Variants in WDR47 observed in about 807,000 individuals in gnomAD.
The protein encoded by WDR47 is WD repeat domain 47.
In WDR47, 32 loss-of-function variants were observed where a neutral mutation model predicts 97.2. The ratio of observed to expected loss-of-function variants is 0.33; its 90% confidence interval spans 0.25 to 0.44. WDR47 has a LOEUF of 0.44. Among genes scored for constraint, WDR47 ranks in the 20% least tolerant of loss-of-function variants. The pLI, the probability that WDR47 is intolerant of heterozygous loss-of-function variation, is 1.00. For synonymous variants in WDR47, 375 were observed against 373.5 expected, an observed-to-expected ratio of 1.00 and a Z score of -0.05; for missense variants, 782 against 1,102.3, an observed-to-expected ratio of 0.71 and a Z score of 4.11.
At chr1:109,008,351 C>G (rs1388246711) in intron 5 of WDR47, among the ~76,000 whole-genome samples, 1 of 151,494 alleles carries the variant, frequency 6.6e-6, no homozygotes, top group African/African-American at 2.4e-5. Flanking sequence ...GCTCACTACA[C>G]CTCTGCCTCC....
intron 13 of WDR47, among the ~76,000 whole-genome samples, chr1:108,976,115 A>G (rs561494342): frequency 6.6e-6 from 1 of 152,352 alleles, no homozygotes; most frequent in South Asian, 2.1e-4. Context: ...AAGCAAGAGA[A>G]TTACATGATT....
At chr1:108,986,714 A>C in intron 9 of WDR47, 34 bp from the exon 10 acceptor site, 1 of 1,480,064 alleles carries the variant, frequency 6.8e-7, no homozygotes. Flanking sequence ...TATCCTATTA[A>C]AAAAATGAAT....
At chr1:108,979,620 T>C (rs1658189775) in intron 13 of WDR47, among the ~76,000 whole-genome samples, 3 of 152,132 alleles carry the variant, frequency 2.0e-5, no homozygotes. Flanking sequence ...GAAAGGCACA[T>C]GAAAAAGTTA....
At chr1:109,033,423 AACTATGAAT>A (rs1156908440) in intron 1 of WDR47, among the ~76,000 whole-genome samples, 1 of 152,228 alleles carries the variant, frequency 6.6e-6, no homozygotes, top group Non-Finnish European at 1.5e-5. Flanking sequence ...TTCACAAAAG[AACTATGAAT>A]ACCAATATAT....
chr1:108,982,488 T>TGCC (rs1441137678), intron 12 of WDR47, 121 bp downstream of exon 12: 8 of 1,175,652 alleles, frequency 6.8e-6, no homozygotes, highest in Non-Finnish European at 9.4e-6. Flanking sequence ...GCTGTGATTG[T>TGCC]GCCACTGCAC....
At chr1:108,974,879 T>C (rs1323412294) in intron 13 of WDR47, 125 bp from the exon 14 acceptor site, 1 of 790,214 alleles carries the variant, frequency 1.3e-6, no homozygotes, top group South Asian at 1.9e-5. Context: ...TATTCAGCGA[T>C]GAAAAAATCC....
chr1:108,977,984 CAAAAA>C (rs953176965), intron 13 of WDR47, among the ~76,000 whole-genome samples: 1 of 105,744 alleles, frequency 9.5e-6, no homozygotes, highest in Admixed American at 1.0e-4. Flanking sequence ...AACACTCTCT[CAAAAA>C]AAAAAAAAAA....
At position 109,011,457 on chromosome 1, in the gene WDR47, G is replaced by A; in HGVS notation, c.589C>T (p.Leu197Phe). 1 of 1,614,160 alleles carries A rather than the reference G, an allele frequency of 6.2e-7. No homozygotes were observed. Among genetic ancestry groups the A allele is most frequent in the Admixed American group, 1.7e-5 (1 of 60,012 alleles). The change falls in exon 5 of 15, where the codon CTT (leucine) becomes TTT (phenylalanine). Residue 197 changes from leucine (L) to phenylalanine (F), a missense_variant. Physicochemically the swap from Leu to Phe is conservative, Grantham distance 22. Transcript: ENST00000369962. ...FKASNNRLFQ[L>F]VMKGLLYECC... The stretch of plus-strand genomic sequence containing the variant: ...TCATAAAGCAGGCCTTTCATTACAA[G>A]CTGAAATAAACGATTGTTACTAGCC...
At chr1:109,039,787 C>G (rs1053202954) in intron 1 of WDR47, among the ~76,000 whole-genome samples, 1 of 151,792 alleles carries the variant, frequency 6.6e-6, no homozygotes, top group East Asian at 1.9e-4. Context: ...CTTGTAATCC[C>G]AACATTGCGA....
intron 6 of WDR47, among the ~76,000 whole-genome samples, 191 bp downstream of exon 6, chr1:109,004,401 A>AC (rs1321949470): frequency 3.3e-5 from 5 of 152,232 alleles, no homozygotes; most frequent in Non-Finnish European, 7.3e-5. Flanking sequence ...ATTGCTCCAG[A>AC]ATACCCAATG....
intron 2 of WDR47, among the ~76,000 whole-genome samples, chr1:109,019,331 C>T (rs753698929): frequency 2.0e-5 from 3 of 146,414 alleles, no homozygotes; most frequent in Non-Finnish European, 4.5e-5. Flanking sequence ...TACAGTGAGC[C>T]GAAGTCACGC....
At chr1:109,019,502 G>A (rs982386143) in intron 2 of WDR47, among the ~76,000 whole-genome samples, 1 of 151,882 alleles carries the variant, frequency 6.6e-6, no homozygotes, top group Non-Finnish European at 1.5e-5. Context: ...CATTCTGTCA[G>A]GACATTTGGC....
At chr1:109,013,954 T>C (rs750422798) in intron 3 of WDR47, 29 bp from the exon 4 acceptor site, 1 of 1,530,456 alleles carries the variant, frequency 6.5e-7, no homozygotes, top group South Asian at 1.1e-5. Flanking sequence ...GCATTAATTT[T>C]TCCAATGTCT....
At chr1:108,971,702 G>A in intron 14 of WDR47, 130 bp from the exon 15 acceptor site, 1 of 989,778 alleles carries the variant, frequency 1.0e-6, no homozygotes, top group Non-Finnish European at 1.4e-6. Flanking sequence ...ACATTGAAAG[G>A]TTTATACAGG....
intron 1 of WDR47, among the ~76,000 whole-genome samples, chr1:109,035,312 T>A (rs541232246): frequency 1.3e-5 from 2 of 148,402 alleles, no homozygotes; most frequent in Admixed American, 6.8e-5. Context: ...AACTGTTCAG[T>A]GTGATTATCT....
chr1:109,020,330 G>A (rs1014870972), intron 2 of WDR47, among the ~76,000 whole-genome samples: 1 of 150,892 alleles, frequency 6.6e-6, no homozygotes, highest in African/African-American at 2.4e-5. Flanking sequence ...TCACGATCTC[G>A]GCTCACTGCA....
chr1:108,983,419 C>T lies in WDR47; in HGVS notation c.1958G>A (p.Arg653His), dbSNP rs141008401. ...TTTATGATGTTTATTCCTTTTAAAA[C>T]GTACCACCGGCTGCTTAGGAGTCTC... ...AHETPKQPVV[R>H]FKRNKHHKGS... Residue 653 changes from arginine to histidine, a missense_variant, in exon 11 of 15, where the codon CGT becomes CAT. Physicochemically the swap from Arg to His is conservative, Grantham distance 29. Coordinates refer to ENST00000369962, the MANE Select transcript of WDR47 (RefSeq NM_001142551.2). 6,426 of 1,603,826 alleles carry T rather than the reference C, an allele frequency of 4.0e-3. 31 individuals are homozygous for T. Among genetic ancestry groups the T allele is most frequent in the Middle Eastern group, 0.015 (90 of 6,016 alleles).
At chr1:108,991,732 T>A (rs572115231) in intron 8 of WDR47, among the ~76,000 whole-genome samples, 52 of 152,306 alleles carry the variant, frequency 3.4e-4, no homozygotes, top group South Asian at 2.7e-3. Flanking sequence ...AGTAAAACTA[T>A]GTTTCCTCTT....
intron 1 of WDR47, among the ~76,000 whole-genome samples, chr1:109,033,729 G>C (rs1662750126): frequency 6.6e-6 from 1 of 152,154 alleles, no homozygotes; most frequent in African/African-American, 2.4e-5. Flanking sequence ...GACCATTCTG[G>C]CCAACATGGT....
Sources: allele counts gnomAD v4.1 joint callset (sites outside exome capture counted in the v4.1 genomes callset), GRCh38; gene constraint gnomAD v4.1.1; transcripts MANE v1.5; gene names NCBI Gene and HGNC (gene_info 2026-07-23, HGNC 2026-07-21).